XYLT1: variants seen among roughly 807,000 people sequenced by gnomAD.
The protein encoded by XYLT1 is xylosyltransferase 1.
Under a neutral mutation model 91.3 loss-of-function variants are expected in XYLT1, and 36 were observed. That is an observed-to-expected ratio of 0.39 (90% CI 0.30 to 0.52). The LOEUF (loss-of-function observed/expected upper bound fraction) is 0.52, where lower values mean the gene tolerates loss of function less well. Ranked by LOEUF, XYLT1 falls within the 20% of genes least tolerant of loss-of-function variation. XYLT1 has a pLI of 0.68. For synonymous variants in XYLT1, 588 were observed against 532.0 expected, an observed-to-expected ratio of 1.11 and a Z score of -1.45; for missense variants, 1,242 against 1,284.5, an observed-to-expected ratio of 0.97 and a Z score of 0.51.
intron 2 of XYLT1, among the ~76,000 whole-genome samples, chr16:17,332,376 G>A (rs1268964054): frequency 6.6e-6 from 1 of 152,060 alleles, no homozygotes; most frequent in Non-Finnish European, 1.5e-5. Context: ...AGCCTGGCCA[G>A]CATGGGGAAA....
At chr16:17,438,014 T>C (rs1275533574) in intron 1 of XYLT1, among the ~76,000 whole-genome samples, 1 of 152,068 alleles carries the variant, frequency 6.6e-6, no homozygotes, top group Non-Finnish European at 1.5e-5. Flanking sequence ...CAAATGCGAA[T>C]GGAACATTCA....
rs531167193 is a variant in XYLT1 at position 17,147,934 on chromosome 16, A to C, written c.1371-6565T>G. Among the ~76,000 whole-genome samples the C allele has an allele frequency of 6.6e-5, 10 of 152,262 alleles. No homozygotes were observed. The East Asian group carries it at 1.4e-3, about 21-fold the overall frequency. On this transcript the variant is annotated intron_variant, in intron 6 of 11. Coordinates refer to ENST00000261381, the MANE Select transcript of XYLT1 (RefSeq NM_022166.4). ...TGTAGCAATAAGCCCCATATACAAA[A>C]GGTGACCAATGATACGCTCTTCCTT... is the stretch of plus-strand genomic sequence containing the variant.
chr16:17,306,489 G>A (rs2034472694), intron 2 of XYLT1, among the ~76,000 whole-genome samples: 1 of 151,758 alleles, frequency 6.6e-6, no homozygotes, highest in Non-Finnish European at 1.5e-5. Flanking sequence ...CAGGAGGCAG[G>A]GGCTGCAGTG....
rs527990597 is a variant in XYLT1, at chr16:17,212,372, G to A, written c.914-11718C>T. On this transcript the variant is annotated intron_variant, in intron 3 of 11. Coordinates refer to ENST00000261381, the MANE Select transcript of XYLT1 (RefSeq NM_022166.4). ...TTCTAACTTAATTAGTTTGGTGGGC[G>A]CAAGTATTGGGACTCTTTTGAAACT... 9.9e-5 allele frequency among the ~76,000 whole-genome samples: 15 copies of A among 152,264 alleles called. No homozygotes were observed. The South Asian group carries it at 1.2e-3, about 13-fold the overall frequency.
chr16:17,400,629 GAGGAAGGAAGGAAGGAAGGAAGGA>G (rs139881259), intron 1 of XYLT1, among the ~76,000 whole-genome samples: 3 of 132,626 alleles, frequency 2.3e-5, no homozygotes, highest in Non-Finnish European at 3.2e-5. Context: ...GGGAGGAAGG[GAGGAAGGAAGGAAGGAAGGAAGGA>G]AGGAAGGAAG....
At chr16:17,329,758 T>C (rs1047163544) in intron 2 of XYLT1, among the ~76,000 whole-genome samples, 4 of 152,050 alleles carry the variant, frequency 2.6e-5, no homozygotes, top group Non-Finnish European at 5.9e-5. Flanking sequence ...AATCTACACA[T>C]GGACACAGAA....
At chr16:17,296,061 G>A (rs376469199) in intron 2 of XYLT1, among the ~76,000 whole-genome samples, 3 of 145,392 alleles carry the variant, frequency 2.1e-5, no homozygotes, top group African/African-American at 7.7e-5. Context: ...TTTTCTCCCT[G>A]CGCCAAAAGC....
intron 1 of XYLT1, among the ~76,000 whole-genome samples, chr16:17,424,151 T>C (rs530092696): frequency 1.8e-4 from 27 of 152,238 alleles, no homozygotes; most frequent in Non-Finnish European, 2.5e-4. Flanking sequence ...GAAAAGCTGA[T>C]GCAAATAACT....
intron 1 of XYLT1, among the ~76,000 whole-genome samples, chr16:17,414,245 G>C (rs2141914681): frequency 6.6e-6 from 1 of 152,204 alleles, no homozygotes; most frequent in East Asian, 1.9e-4. Flanking sequence ...TTTATTTGGT[G>C]GGCTTTATTT....
At chr16:17,266,431 T>C (rs9931066) in intron 2 of XYLT1, among the ~76,000 whole-genome samples, 2,742 of 152,290 alleles carry the variant, frequency 0.018, 79 homozygotes, top group African/African-American at 0.061. Flanking sequence ...GATGAGCTGA[T>C]AAAGAAGACG....
chr16:17,382,015 C>G (rs2035688182), intron 1 of XYLT1, among the ~76,000 whole-genome samples: 1 of 151,822 alleles, frequency 6.6e-6, no homozygotes, highest in Non-Finnish European at 1.5e-5. Context: ...AGGCCACCTT[C>G]CAGAATTGGG....
chr16:17,369,551 G>A (rs2035501864), intron 1 of XYLT1: 1 of 152,038 alleles, frequency 6.6e-6, no homozygotes, highest in Admixed American at 6.6e-5. Flanking sequence ...CCCCCACAAA[G>A]GAAGGTACCA....
intron 3 of XYLT1, among the ~76,000 whole-genome samples, chr16:17,232,429 G>A (rs76358409): frequency 8.0e-4 from 97 of 121,726 alleles, no homozygotes; most frequent in African/African-American, 1.8e-3. Context: ...GTGTGTGTGT[G>A]TATATATATA....
intron 2 of XYLT1, chr16:17,338,437 G>C (rs1409499705): frequency 1.8e-5 from 8 of 456,392 alleles, no homozygotes; most frequent in Non-Finnish European, 3.5e-5. Context: ...CTGCAACAAA[G>C]GAGAAGTTGA....
chr16:17,231,368 G>C (rs181541227), intron 3 of XYLT1, among the ~76,000 whole-genome samples: 58 of 152,270 alleles, frequency 3.8e-4, no homozygotes, highest in Middle Eastern at 6.8e-3. Context: ...CACAGGCAGT[G>C]GGGGGCAGTG....
At position 17,253,464 on chromosome 16, in the gene XYLT1, G is replaced by A. The variant is rs1480558262; in HGVS notation, c.913+5524C>T. ...GATAACCTCAGCATGACCAGGAGAA[G>A]TGCAGGAACCCCTGGCCTAAGATGC... On this transcript the variant is annotated intron_variant, in intron 3 of 11. Coordinates refer to ENST00000261381, the MANE Select transcript of XYLT1 (RefSeq NM_022166.4). Among the ~76,000 whole-genome samples, 6 of 152,272 alleles carry A rather than the reference G, an allele frequency of 3.9e-5. No individual in the cohort carries two copies. In the East Asian group the frequency reaches 1.2e-3, roughly 29 times the overall value.
intron 11 of XYLT1, 45 bp from the exon 12 acceptor site, chr16:17,109,062 T>C: frequency 6.8e-7 from 1 of 1,480,834 alleles, no homozygotes; most frequent in East Asian, 2.3e-5. Flanking sequence ...GAGCCACCAA[T>C]AGGATGCCTA....
Position 17,217,961 on chromosome 16 carries a change from A to AT in XYLT1, c.914-17308_914-17307insA, listed in dbSNP as rs1567327500. Among the ~76,000 whole-genome samples the AT allele has an allele frequency of 5.3e-5, 8 of 151,282 alleles. No individual in the cohort carries two copies. In the East Asian group the frequency reaches 5.8e-4, roughly 11 times the overall value. On this transcript the variant is annotated intron_variant, in intron 3 of 11. Transcript: ENST00000261381. ...TATTTTGAATAATAATAATAATAAA[A>AT]AAAAAAAAAGACAAAAAACGTTGGG...
Position 17,200,670 on chromosome 16 carries a change from G to C in XYLT1, c.914-16C>G, listed in dbSNP as rs763174976. ...TTGGCTTTACCTGGGGAAAATCCAA[G>C]AGAACAGAGAGGAGAAAGTGAGGCT... On this transcript the variant is annotated splice_polypyrimidine_tract_variant and intron_variant, in intron 3 of 11. Coordinates refer to ENST00000261381, the MANE Select transcript of XYLT1 (RefSeq NM_022166.4). 1.1e-5 allele frequency: 18 copies of C among 1,604,828 alleles called. No homozygotes were observed. The highest frequency in any genetic ancestry group is 3.3e-5 in the Admixed American group (2 of 59,890).
Sources: allele counts gnomAD v4.1 joint callset (sites outside exome capture counted in the v4.1 genomes callset), GRCh38; gene constraint gnomAD v4.1.1; transcripts MANE v1.5; gene names NCBI Gene and HGNC (gene_info 2026-07-23, HGNC 2026-07-21).